CIMIP2C: variants seen among roughly 807,000 people sequenced by gnomAD.
The protein encoded by CIMIP2C is ciliary microtubule inner protein 2C.
At chr2:26,565,171 C>A in the CIMIP2C span, among the ~76,000 whole-genome samples, 11 of 151,812 alleles carry the variant, frequency 7.2e-5, no homozygotes, top group South Asian at 1.3e-3. Context: ...CTCACAGCAA[C>A]CTCTGCCTCC....
the CIMIP2C span, chr2:26,577,566 T>G: frequency 6.2e-7 from 1 of 1,614,124 alleles, no homozygotes; most frequent in South Asian, 1.1e-5. Context: ...GCACAGTGCC[T>G]CGAGTCCCCT....
chr2:26,569,254 G>A, the CIMIP2C span, among the ~76,000 whole-genome samples: 1 of 151,368 alleles, frequency 6.6e-6, no homozygotes, highest in Non-Finnish European at 1.5e-5. Flanking sequence ...CAAAAAAAAT[G>A]GTGTGGAGTT....
At chr2:26,573,617 C>A in the CIMIP2C span, among the ~76,000 whole-genome samples, 1 of 152,222 alleles carries the variant, frequency 6.6e-6, no homozygotes, top group East Asian at 1.9e-4. Context: ...AGGCACCCAC[C>A]AATTCCTCCG....
chr2:26,574,981 C>T, the CIMIP2C span, among the ~76,000 whole-genome samples: 2 of 152,222 alleles, frequency 1.3e-5, no homozygotes, highest in East Asian at 3.8e-4. Context: ...CCGCATTGGC[C>T]GCGAGTCTGG....
chr2:26,562,925 G>C, the CIMIP2C span: 5 of 558,466 alleles, frequency 9.0e-6, no homozygotes, highest in Admixed American at 6.6e-5. Flanking sequence ...GGCAAGTGGG[G>C]CACAGCCAGC....
chr2:26,577,646 C>A, the CIMIP2C span: 2 of 1,595,692 alleles, frequency 1.3e-6, no homozygotes, highest in Non-Finnish European at 1.7e-6. Flanking sequence ...CCTGCCCTCC[C>A]TTCATCTACG....
At chr2:26,577,518 G>T in the CIMIP2C span, 51 of 1,613,348 alleles carry the variant, frequency 3.2e-5, no homozygotes, top group Non-Finnish European at 4.2e-5. Context: ...AACCATAGAT[G>T]GTCCAGCAGC....
chr2:26,563,893 G>C, the CIMIP2C span, among the ~76,000 whole-genome samples: 1 of 152,124 alleles, frequency 6.6e-6, no homozygotes, highest in Non-Finnish European at 1.5e-5. Flanking sequence ...CCTCTCTCTG[G>C]GCCTTGGAGG....
the CIMIP2C span, among the ~76,000 whole-genome samples, chr2:26,566,418 A>T: frequency 2.8e-4 from 42 of 152,364 alleles, no homozygotes; most frequent in East Asian, 7.7e-4. Flanking sequence ...CCTGTACAGC[A>T]AACACACACA....
At chr2:26,576,098 C>T in the CIMIP2C span, 21 of 1,614,080 alleles carry the variant, frequency 1.3e-5, no homozygotes, top group Middle Eastern at 1.6e-4. Flanking sequence ...CACCCGGGAC[C>T]GCTGGCTGCA....
At chr2:26,569,275 T>G in the CIMIP2C span, among the ~76,000 whole-genome samples, 1 of 152,060 alleles carries the variant, frequency 6.6e-6, no homozygotes, top group African/African-American at 2.4e-5. Context: ...GCCAGAAGGA[T>G]GTTCTTTCAA....
At chr2:26,579,376 G>A in the CIMIP2C span, 6 of 1,614,060 alleles carry the variant, frequency 3.7e-6, no homozygotes, top group South Asian at 6.6e-5. Context: ...CTTCCCATCA[G>A]GGAAGAGGGT....
the CIMIP2C span, among the ~76,000 whole-genome samples, chr2:26,567,997 G>A: frequency 1.3e-5 from 2 of 152,144 alleles, no homozygotes; most frequent in African/African-American, 4.8e-5. Context: ...GGACCTCCTC[G>A]TGTGAAGCCT....
chr2:26,562,824 G>T, the CIMIP2C span: 3 of 756,252 alleles, frequency 4.0e-6, no homozygotes, highest in African/African-American at 3.5e-5. Flanking sequence ...GGGGCGAGGG[G>T]CCTTCCTAGA....
At chr2:26,576,898 C>T in the CIMIP2C span, among the ~76,000 whole-genome samples, 1 of 152,246 alleles carries the variant, frequency 6.6e-6, no homozygotes, top group African/African-American at 2.4e-5. Flanking sequence ...AGGGTTCATT[C>T]TCTCCTGTGT....
chr2:26,577,325 G>A, the CIMIP2C span, among the ~76,000 whole-genome samples: 439 of 152,328 alleles, frequency 2.9e-3, 3 homozygotes, highest in African/African-American at 8.5e-3. Flanking sequence ...CAGATGAGAA[G>A]TCGTGACTCA....
At chr2:26,567,029 T>A in the CIMIP2C span, among the ~76,000 whole-genome samples, 1 of 152,218 alleles carries the variant, frequency 6.6e-6, no homozygotes, top group East Asian at 1.9e-4. Flanking sequence ...TTAATTGTAA[T>A]GGAATATAAT....
the CIMIP2C span, chr2:26,579,397 G>C: frequency 6.2e-7 from 1 of 1,614,020 alleles, no homozygotes; most frequent in Non-Finnish European, 8.5e-7. Flanking sequence ...CTCTCCACAG[G>C]AGCGGAAAAA....
the CIMIP2C span, chr2:26,579,344 A>C: frequency 1.9e-6 from 3 of 1,614,106 alleles, no homozygotes; most frequent in Non-Finnish European, 2.5e-6. Context: ...CTAGCCCCCG[A>C]GAACCTGAAG....
Sources: allele counts gnomAD v4.1 joint callset (sites outside exome capture counted in the v4.1 genomes callset), GRCh38; gene constraint gnomAD v4.1.1; transcripts MANE v1.5; gene names NCBI Gene and HGNC (gene_info 2026-07-23, HGNC 2026-07-21).